Variants in SYNJ1 observed in about 807,000 individuals in gnomAD.
SYNJ1 encodes the protein polyphosphatidylinositol phosphatase SYNJ1.
In SYNJ1, 78 loss-of-function variants were observed where a neutral mutation model predicts 168.2. The ratio of observed to expected loss-of-function variants is 0.46; its 90% CI spans 0.39 to 0.56. The LOEUF is 0.56. Among genes scored for constraint, SYNJ1 ranks in the 20% least tolerant of loss-of-function variants. SYNJ1 has a pLI of 0.00. For synonymous variants in SYNJ1, 539 were observed against 548.6 expected (o/e 0.98, Z 0.24); for missense variants, 1,303 against 1,597.6 (o/e 0.82, Z 3.14).
intron 4 of SYNJ1, among the ~76,000 whole-genome samples, chr21:32,698,140 T>C (rs1216262576): frequency 6.6e-6 from 1 of 151,974 alleles, no homozygotes; most frequent in Non-Finnish European, 1.5e-5. Context: ...AGTCCCTGCA[T>C]CCCCTCTCTC....
rs199989805 is a variant in SYNJ1 at position 32,638,943 on chromosome 21, G to A, written c.3880C>T (p.His1294Tyr). 8.7e-6 allele frequency: 14 copies of A among 1,613,328 alleles called. No individual in the cohort carries two copies. The highest frequency in any genetic ancestry group is 1.6e-4 in the Middle Eastern group (1 of 6,080). ...PQPPPRSRSS[H>Y]SLPSEASSQP... The stretch of plus-strand genomic sequence containing the variant: ...GAGGAAGCTTCTGAAGGCAAGCTAT[G>A]GGATGACCTGCTTCGAGGTGGTGGT... The change falls in exon 31 of 33, where the codon CAT becomes TAT. Residue 1294 changes from histidine (H) to tyrosine (Y), a missense_variant. This residue lies in a region of SYNJ1 where 383 missense variants were observed against 388.8 expected (regional missense o/e 0.99). Transcript: ENST00000674351.
At chr21:32,681,388 A>C in intron 11 of SYNJ1, 108 bp downstream of exon 11, 1 of 1,263,358 alleles carries the variant, frequency 7.9e-7, no homozygotes, top group Non-Finnish European at 1.1e-6. Context: ...ATTCTAAGAC[A>C]CATCTATTAA....
chr21:32,721,541 T>C (rs1368563510), intron 2 of SYNJ1, among the ~76,000 whole-genome samples: 1 of 151,672 alleles, frequency 6.6e-6, no homozygotes, highest in Non-Finnish European at 1.5e-5. Context: ...TAGCTAGGTG[T>C]GGTGGGGGGC....
At chr21:32,692,776 G>A (rs1601441331) in intron 6 of SYNJ1, among the ~76,000 whole-genome samples, 1 of 152,104 alleles carries the variant, frequency 6.6e-6, no homozygotes, top group East Asian at 1.9e-4. Context: ...CACAGGCCAA[G>A]TACAGTGGCT....
At chr21:32,690,981 G>A (rs980042583) in intron 6 of SYNJ1, among the ~76,000 whole-genome samples, 3 of 152,160 alleles carry the variant, frequency 2.0e-5, no homozygotes, top group Non-Finnish European at 4.4e-5. Flanking sequence ...GTGTGGTATG[G>A]TATATCATTT....
chr21:32,701,322 TCA>T (rs1423005288), intron 3 of SYNJ1, among the ~76,000 whole-genome samples: 1 of 152,208 alleles, frequency 6.6e-6, no homozygotes, highest in Non-Finnish European at 1.5e-5. Flanking sequence ...ATTACTAAGT[TCA>T]CCCTTTAGTT....
At chr21:32,723,742 G>C (rs998192002) in intron 2 of SYNJ1, among the ~76,000 whole-genome samples, 4 of 152,138 alleles carry the variant, frequency 2.6e-5, no homozygotes, top group African/African-American at 9.7e-5. Flanking sequence ...GATCAATTGA[G>C]CCCGGGAGTT....
intron 10 of SYNJ1, among the ~76,000 whole-genome samples, chr21:32,683,684 C>CT (rs2041712167): frequency 6.6e-6 from 1 of 151,730 alleles, no homozygotes; most frequent in Admixed American, 6.6e-5. Context: ...TTTTAAAAGA[C>CT]AACACAGAGA....
At chr21:32,689,120 T>C (rs956470775) in intron 6 of SYNJ1, among the ~76,000 whole-genome samples, 1 of 152,190 alleles carries the variant, frequency 6.6e-6, no homozygotes, top group Non-Finnish European at 1.5e-5. Context: ...TGAGGCATAA[T>C]TGAGAAAGAT....
At chr21:32,692,867 A>C (rs1392712885) in intron 6 of SYNJ1, among the ~76,000 whole-genome samples, 1 of 152,012 alleles carries the variant, frequency 6.6e-6, no homozygotes, top group Non-Finnish European at 1.5e-5. Context: ...CTGGGCAACA[A>C]GGTGGGACCC....
intron 22 of SYNJ1, among the ~76,000 whole-genome samples, chr21:32,651,232 A>G (rs2040259480): frequency 6.6e-6 from 1 of 152,226 alleles, no homozygotes; most frequent in Admixed American, 6.5e-5. Context: ...GAGTTTCTTA[A>G]TGTGAACAAG....
Position 32,631,104 on chromosome 21 carries a change from G to T in SYNJ1, c.*701C>A, listed in dbSNP as rs774454924. ...GAGCAGAGGGACAGGAGGTGGAGGAGGTCTTCTTGACGGCAACACACAGAA... is the reference window on the plus strand; with the variant it reads ...GAGCAGAGGGACAGGAGGTGGAGGATGTCTTCTTGACGGCAACACACAGAA... On this transcript the variant is annotated 3_prime_UTR_variant, in exon 33 of 33. Coordinates refer to ENST00000674351, the MANE Select transcript of SYNJ1 (RefSeq NM_203446.3). 1.9e-6 allele frequency: 3 copies of T among 1,614,138 alleles called. No homozygotes were observed. The highest frequency in any genetic ancestry group is 8.5e-7 in the Non-Finnish European group (1 of 1,180,030).
At chr21:32,652,912 C>T (rs540475214) in intron 22 of SYNJ1, among the ~76,000 whole-genome samples, 1 of 152,312 alleles carries the variant, frequency 6.6e-6, no homozygotes, top group East Asian at 1.9e-4. Flanking sequence ...ATGAGCACCT[C>T]TCTCCCTTGT....
chr21:32,681,631 C>T lies in SYNJ1; in HGVS notation c.1218G>A (p.Leu406=). Residue 406 remains leucine, a synonymous_variant, in exon 11 of 33, where the codon TTG becomes TTA. Coordinates refer to ENST00000674351, the MANE Select transcript of SYNJ1 (RefSeq NM_203446.3). Reference sequence around the variant, plus strand: ...GCTTTTCAGCTAAACCAAGAGCTTCCAACTGTTTAGCTAGCATCTTAAAAA... The same window carrying T: ...GCTTTTCAGCTAAACCAAGAGCTTCTAACTGTTTAGCTAGCATCTTAAAAA... ...FLGLEMLAKQ[L]EALGLAEKPQ... 2 of 1,613,074 alleles carry T rather than the reference C, an allele frequency of 1.2e-6. No homozygotes were observed. The highest frequency in any genetic ancestry group is 2.7e-5 in the African/African-American group (2 of 74,972).
Position 32,684,055 on chromosome 21 carries a change from C to T in SYNJ1, c.1183G>A (p.Ala395Thr), listed in dbSNP as rs746354059. 1 of 1,613,520 alleles carries T rather than the reference C, an allele frequency of 6.2e-7. No individual in the cohort carries two copies. The highest frequency in any genetic ancestry group is 1.7e-5 in the Admixed American group (1 of 60,018). ...TCTTTTACCTCTAAGCCAAGAAATG[C>T]CTGCACACTATTTGTTCTATCAAGA... ...DCLDRTNSVQ[A>T]FLGLEMLAKQ... Residue 395 changes from alanine (A) to threonine (T), a missense_variant, in exon 10 of 33, where the codon GCA (alanine) becomes ACA (threonine). Ala to Thr is a moderately conservative substitution (Grantham distance 58). Around this residue, in one of 2 missense-constraint regions of SYNJ1, gnomAD observed 920 missense variants for 1,208.8 expected, o/e 0.76. Transcript: ENST00000674351.
chr21:32,665,877 A>C, intron 17 of SYNJ1, 66 bp downstream of exon 17: 1 of 1,432,076 alleles, frequency 7.0e-7, no homozygotes, highest in South Asian at 1.4e-5. Flanking sequence ...ACATTGATGT[A>C]GAATTTGGGG....
At chr21:32,712,987 T>C (rs2042882602) in intron 2 of SYNJ1, among the ~76,000 whole-genome samples, 1 of 152,244 alleles carries the variant, frequency 6.6e-6, no homozygotes, top group African/African-American at 2.4e-5. Context: ...AGGATGTTCA[T>C]ACTTGTGTCA....
Position 32,646,354 on chromosome 21 carries a change from C to T in SYNJ1, c.3247+39G>A, listed in dbSNP as rs143163724. 647 of 1,588,184 alleles carry T rather than the reference C, an allele frequency of 4.1e-4. No individual in the cohort carries two copies. The African/African-American group carries it at 4.9e-3, about 12-fold the overall frequency. Reference sequence around the variant, plus strand: ...ACTCTCCAACATCAAGCACATTGGCCACAGGAAGCCATACAAAACTTTCAA... The same window carrying T: ...ACTCTCCAACATCAAGCACATTGGCTACAGGAAGCCATACAAAACTTTCAA... On this transcript the variant is annotated intron_variant, in intron 24 of 32. Coordinates refer to ENST00000674351, the MANE Select transcript of SYNJ1 (RefSeq NM_203446.3).
Position 32,656,843 on chromosome 21 carries a change from T to G in SYNJ1, c.2639A>C (p.Asn880Thr). The G allele has an allele frequency of 6.2e-7, 1 of 1,614,176 alleles. No individual in the cohort carries two copies. The highest frequency in any genetic ancestry group is 8.5e-7 in the Non-Finnish European group (1 of 1,180,030). ...IFEVEAEERQ[N>T]IYKEVIAVQG... ...AACTGCAATTACTTCTTTATAAATG[T>G]TTTGCCTCTCTTCAGCTTCAACTTC... The change falls in exon 21 of 33, where the codon AAC becomes ACC. Residue 880 changes from asparagine (N) to threonine (T), a missense_variant. Transcript: ENST00000674351.
Sources: allele counts gnomAD v4.1 joint callset (sites outside exome capture counted in the v4.1 genomes callset), GRCh38; gene constraint gnomAD v4.1.1; regional missense constraint gnomAD v4.1.1; transcripts MANE v1.5; gene names NCBI Gene and HGNC (gene_info 2026-07-23, HGNC 2026-07-21).